MIPOL1: variants seen among roughly 807,000 people sequenced by gnomAD.
The protein encoded by MIPOL1 is mirror-image polydactyly 1.
A neutral mutation model predicts 60.9 loss-of-function variants in MIPOL1; 57 were observed. The observed-to-expected ratio is 0.94, with a 90% CI of 0.76 to 1.17. MIPOL1 has a LOEUF of 1.17. MIPOL1 is among the 50% of genes most tolerant of loss of function. The pLI, the probability that MIPOL1 is intolerant of heterozygous loss-of-function variation, is 0.00. For synonymous variants in MIPOL1, 179 were observed against 168.8 expected, an observed-to-expected ratio of 1.06 and a Z score of -0.47; for missense variants, 551 against 511.6, an observed-to-expected ratio of 1.08 and a Z score of -0.74.
At chr14:37,335,243 T>C (rs139199082) in intron 9 of MIPOL1, among the ~76,000 whole-genome samples, 120 of 152,230 alleles carry the variant, frequency 7.9e-4, no homozygotes, top group Middle Eastern at 6.8e-3. Context: ...GTTTTTTGTC[T>C]TTTTAAAAAT....
Position 37,499,986 on chromosome 14 carries a change from A to T in MIPOL1, c.1110A>T (p.Leu370Phe), listed in dbSNP as rs781548242. The change falls in exon 12 of 13, where the codon TTA becomes TTT. Residue 370 changes from leucine (L) to phenylalanine (F), a missense_variant. Transcript: ENST00000684589. ...NYTLSTYEEA[L>F]KNRENIVSIT... ...CCCTTAGTACATATGAAGAAGCTTT[A>T]AAAAACAGAGAGAACATTGTTTCCA... 6.2e-7 allele frequency: 1 copy of T among 1,613,506 alleles called. No homozygotes were observed. Among genetic ancestry groups the T allele is most frequent in the Non-Finnish European group, 8.5e-7 (1 of 1,179,456 alleles).
intron 7 of MIPOL1, among the ~76,000 whole-genome samples, chr14:37,289,331 A>G (rs1191944292): frequency 6.6e-6 from 1 of 152,142 alleles, no homozygotes; most frequent in African/African-American, 2.4e-5. Flanking sequence ...AAATTCTGAC[A>G]CTATCTACCT....
At chr14:37,461,620 G>A (rs2094539604) in intron 11 of MIPOL1, among the ~76,000 whole-genome samples, 1 of 152,118 alleles carries the variant, frequency 6.6e-6, no homozygotes, top group South Asian at 2.1e-4. Context: ...ATCAAAAGCA[G>A]GTTAGTTACT....
rs181382964 is a variant in MIPOL1 at position 37,393,891 on chromosome 14, C to G, written c.936+24267C>G. The stretch of plus-strand genomic sequence containing the variant: ...AGTCCCCAAAGTCCATTGTATCATT[C>G]TTATGCCTTTGTGTTCTCATAGCTT... On this transcript the variant is annotated intron_variant, in intron 10 of 12. Transcript: ENST00000684589. 3.2e-3 allele frequency among the ~76,000 whole-genome samples: 478 copies of G among 149,132 alleles called. 2 individuals are homozygous for G. Among genetic ancestry groups the G allele is most frequent in the Admixed American group, 4.0e-3 (60 of 14,840 alleles).
intron 9 of MIPOL1, among the ~76,000 whole-genome samples, chr14:37,363,241 T>C (rs1285499372): frequency 6.6e-6 from 1 of 152,204 alleles, no homozygotes; most frequent in Non-Finnish European, 1.5e-5. Context: ...TCCCCATCTT[T>C]ATGTATTTAT....
At chr14:37,235,279 G>C (rs1234339519) in intron 1 of MIPOL1, among the ~76,000 whole-genome samples, 2 of 152,184 alleles carry the variant, frequency 1.3e-5, no homozygotes, top group Non-Finnish European at 2.9e-5. Context: ...TGAATACAAT[G>C]TAGTGAGATC....
intron 9 of MIPOL1, among the ~76,000 whole-genome samples, chr14:37,342,744 A>G (rs1447392545): frequency 6.6e-6 from 1 of 152,152 alleles, no homozygotes; most frequent in Non-Finnish European, 1.5e-5. Flanking sequence ...TACAGTTAAC[A>G]TAATAATCTT....
chr14:37,338,946 A>G (rs2090384131), intron 9 of MIPOL1, among the ~76,000 whole-genome samples: 1 of 152,316 alleles, frequency 6.6e-6, no homozygotes, highest in Middle Eastern at 3.4e-3. Flanking sequence ...AGAAGACACA[A>G]GTAGCTGTAA....
chr14:37,518,541 G>A (rs2095388360), intron 12 of MIPOL1, among the ~76,000 whole-genome samples: 1 of 152,012 alleles, frequency 6.6e-6, no homozygotes, highest in Non-Finnish European at 1.5e-5. Context: ...TGCTGTGTTG[G>A]CCAGGCTGGT....
At chr14:37,222,979 A>G (rs1409243776) in intron 1 of MIPOL1, among the ~76,000 whole-genome samples, 1 of 152,170 alleles carries the variant, frequency 6.6e-6, no homozygotes, top group Non-Finnish European at 1.5e-5. Context: ...CTATGGTGGA[A>G]GGTAGAAGGT....
intron 10 of MIPOL1, among the ~76,000 whole-genome samples, chr14:37,388,950 A>G (rs911344174): frequency 1.3e-5 from 2 of 152,074 alleles, no homozygotes; most frequent in Non-Finnish European, 2.9e-5. Context: ...TTCTCAACTT[A>G]CCAGTTGAAG....
chr14:37,484,417 A>G (rs1385763379), intron 11 of MIPOL1, among the ~76,000 whole-genome samples: 4 of 143,960 alleles, frequency 2.8e-5, no homozygotes, highest in South Asian at 2.2e-4. Flanking sequence ...GGCTTACTGC[A>G]ACCTCCGCCT....
chr14:37,537,036 G>A (rs1019129194), intron 12 of MIPOL1, among the ~76,000 whole-genome samples: 2 of 151,968 alleles, frequency 1.3e-5, no homozygotes, highest in South Asian at 2.1e-4. Flanking sequence ...CAAAACCTAG[G>A]TATCTACTCT....
intron 11 of MIPOL1, among the ~76,000 whole-genome samples, chr14:37,444,459 A>C (rs549413767): frequency 5.9e-5 from 9 of 152,320 alleles, no homozygotes; most frequent in African/African-American, 1.7e-4. Context: ...CTCCAAATTG[A>C]TCTGCAGGCT....
At chr14:37,280,620 G>A (rs1206771058) in intron 6 of MIPOL1, among the ~76,000 whole-genome samples, 2 of 151,918 alleles carry the variant, frequency 1.3e-5, no homozygotes, top group Non-Finnish European at 2.9e-5. Flanking sequence ...GTCTTTTTTT[G>A]AGAAATATTT....
intron 6 of MIPOL1, among the ~76,000 whole-genome samples, chr14:37,280,120 C>T (rs2083986448): frequency 2.0e-5 from 3 of 151,994 alleles, no homozygotes; most frequent in African/African-American, 7.2e-5. Flanking sequence ...ACAGAATATC[C>T]CTTCTTTTTT....
In MIPOL1 at chr14:37,294,973, A is replaced by G. The variant is rs373955798; in HGVS notation, c.623+9526A>G. Reference sequence around the variant, plus strand: ...AGAGAACACCACAAAGATACTCCTCAAGAAGAGCAACTCCAAGACACGTAA... The same window carrying G: ...AGAGAACACCACAAAGATACTCCTCGAGAAGAGCAACTCCAAGACACGTAA... On this transcript the variant is annotated intron_variant, in intron 7 of 12. Transcript: ENST00000684589. Among the ~76,000 whole-genome samples, 7 of 152,234 alleles carry G rather than the reference A, an allele frequency of 4.6e-5. No homozygotes were observed. The East Asian group carries it at 1.2e-3, about 25-fold the overall frequency.
At chr14:37,218,635 A>G (rs10135285) in intron 1 of MIPOL1, among the ~76,000 whole-genome samples, 68,357 of 151,948 alleles carry the variant, frequency 0.45, 17,860 homozygotes, top group African/African-American at 0.73. Flanking sequence ...GAAATGGATT[A>G]ATGTTTAAGA....
At chr14:37,522,870 T>G (rs1422089091) in intron 12 of MIPOL1, among the ~76,000 whole-genome samples, 1 of 152,100 alleles carries the variant, frequency 6.6e-6, no homozygotes, top group Non-Finnish European at 1.5e-5. Flanking sequence ...GAGAGCTACA[T>G]GTTAGTGGGA....
Sources: gnomAD v4.1 joint callset for allele counts (sites outside exome capture counted in the v4.1 genomes callset) on GRCh38, gnomAD v4.1.1 for gene constraint, MANE v1.5 for transcripts, NCBI Gene and HGNC (gene_info 2026-07-23, HGNC 2026-07-21) for gene names.